The following NEK1 variants were observed in gnomAD, a reference collection of about 807,000 sequenced individuals.
NEK1 encodes NIMA related kinase 1, also known as serine/threonine-protein kinase Nek1.
NEK1 carries 137 observed loss-of-function variants against 182.1 expected under a neutral mutation model. That is an observed-to-expected ratio of 0.75 (90% CI 0.65 to 0.87). The LOEUF (loss-of-function observed/expected upper bound fraction) is 0.87. Ranked by LOEUF, NEK1 falls within the 40% of genes least tolerant of loss-of-function variation. NEK1 has a pLI of 0.00. For synonymous variants in NEK1, 513 were observed against 492.2 expected (o/e 1.04, Z -0.56); for missense variants, 1,391 against 1,494.4 (o/e 0.93, Z 1.14).
At chr4:169,590,237 G>A (rs1421541248) in intron 6 of NEK1, among the ~76,000 whole-genome samples, 3 of 152,180 alleles carry the variant, frequency 2.0e-5, no homozygotes, top group African/African-American at 4.8e-5. Flanking sequence ...GAACCTGGGA[G>A]GCGGAGGTTG....
intron 26 of NEK1, among the ~76,000 whole-genome samples, chr4:169,473,836 C>A (rs1401032720): frequency 6.6e-6 from 1 of 152,016 alleles, no homozygotes; most frequent in Non-Finnish European, 1.5e-5. Context: ...TGGGTATGGA[C>A]AATAATCCAG....
intron 30 of NEK1, among the ~76,000 whole-genome samples, 191 bp from the exon 31 acceptor site, chr4:169,424,991 G>A (rs199633424): frequency 2.0e-5 from 3 of 152,190 alleles, no homozygotes; most frequent in East Asian, 1.9e-4. Context: ...TCTATCTTCA[G>A]AGAGTTGATT....
chr4:169,396,780 T>C lies in NEK1; in HGVS notation c.3848-2257A>G, dbSNP rs1322881336. On this transcript the variant is annotated intron_variant, in intron 35 of 35. Coordinates refer to ENST00000507142, the MANE Select transcript of NEK1 (RefSeq NM_001199397.3). ...GTATCTTAATGACTTGATGTCACTT[T>C]CGGGTGAGCGAGATAAAATTTTGCT... 5.9e-5 allele frequency among the ~76,000 whole-genome samples: 9 copies of C among 152,218 alleles called. No homozygotes were observed. The East Asian group carries it at 1.7e-3, about 29-fold the overall frequency.
chr4:169,496,596 G>C (rs1392604467), intron 23 of NEK1, among the ~76,000 whole-genome samples: 2 of 149,900 alleles, frequency 1.3e-5, no homozygotes, highest in African/African-American at 5.1e-5. Context: ...ATAATTTATT[G>C]AGAGTTTTTA....
intron 23 of NEK1, among the ~76,000 whole-genome samples, chr4:169,495,536 C>G (rs1457482035): frequency 6.6e-6 from 1 of 152,098 alleles, no homozygotes; most frequent in East Asian, 1.9e-4. Flanking sequence ...GCCACCGTGC[C>G]CGGCCCATTT....
At chr4:169,456,031 G>A (rs1742817127) in intron 27 of NEK1, among the ~76,000 whole-genome samples, 1 of 152,044 alleles carries the variant, frequency 6.6e-6, no homozygotes, top group South Asian at 2.1e-4. Flanking sequence ...GACCACAATG[G>A]AAGAAAACTA....
At chr4:169,505,598 AG>A (rs1322608337) in intron 23 of NEK1, among the ~76,000 whole-genome samples, 1 of 152,244 alleles carries the variant, frequency 6.6e-6, no homozygotes, top group Non-Finnish European at 1.5e-5. Flanking sequence ...TGACTGTGCA[AG>A]GGGCCAATGC....
intron 5 of NEK1, among the ~76,000 whole-genome samples, chr4:169,591,550 T>C (rs544065519): frequency 6.6e-6 from 1 of 152,110 alleles, no homozygotes; most frequent in Non-Finnish European, 1.5e-5. Flanking sequence ...TCTCTGACTT[T>C]TTTTCTCTTC....
chr4:169,439,845 CTTT>C (rs33985502), intron 27 of NEK1, among the ~76,000 whole-genome samples: 1 of 116,378 alleles, frequency 8.6e-6, no homozygotes, highest in African/African-American at 3.4e-5. Context: ...GTTAGGGTAT[CTTT>C]TTTTTTTTTT....
intron 16 of NEK1, among the ~76,000 whole-genome samples, 161 bp from the exon 17 acceptor site, chr4:169,556,256 C>T (rs1014082117): frequency 3.3e-5 from 5 of 152,084 alleles, no homozygotes; most frequent in Non-Finnish European, 7.4e-5. Context: ...AAATGTTTTC[C>T]TATTATAACT....
rs1242853489 is a variant in NEK1, at chr4:169,400,212, G to A, written c.3847+13C>T. On this transcript the variant is annotated intron_variant, in intron 35 of 35. Coordinates refer to ENST00000507142, the MANE Select transcript of NEK1 (RefSeq NM_001199397.3). ...TTTACTGAAAATTATACAGACATGT[G>A]AGGAAATCTTACCTTCTTGGTAGGC... is the stretch of plus-strand genomic sequence containing the variant. 6.4e-7 allele frequency: 1 copy of A among 1,571,922 alleles called. No homozygotes were observed. Among genetic ancestry groups the A allele is most frequent in the Admixed American group, 1.8e-5 (1 of 54,872 alleles).
chr4:169,440,595 G>A (rs921905907), intron 27 of NEK1, among the ~76,000 whole-genome samples: 5 of 152,114 alleles, frequency 3.3e-5, no homozygotes, highest in East Asian at 3.9e-4. Flanking sequence ...GAATTCAGCC[G>A]CAAAGGGATG....
At chr4:169,600,034 C>T (rs1334973703) in intron 4 of NEK1, among the ~76,000 whole-genome samples, 1 of 151,942 alleles carries the variant, frequency 6.6e-6, no homozygotes, top group Non-Finnish European at 1.5e-5. Flanking sequence ...CTTAGAAGAA[C>T]ACTTTGATGA....
chr4:169,583,610 T>G (rs1767042638), intron 10 of NEK1, among the ~76,000 whole-genome samples: 3 of 152,216 alleles, frequency 2.0e-5, no homozygotes, highest in Non-Finnish European at 4.4e-5. Context: ...ATTCCAGTAC[T>G]TCAGCCTTGA....
At chr4:169,523,180 A>G (rs1044522303) in intron 19 of NEK1, among the ~76,000 whole-genome samples, 1 of 152,222 alleles carries the variant, frequency 6.6e-6, no homozygotes, top group South Asian at 2.1e-4. Flanking sequence ...ACTCTATAAC[A>G]TGACTAGCAC....
intron 27 of NEK1, among the ~76,000 whole-genome samples, chr4:169,451,446 A>G (rs1228662221): frequency 6.6e-6 from 1 of 152,228 alleles, no homozygotes; most frequent in Non-Finnish European, 1.5e-5. Flanking sequence ...CTCTCAGACC[A>G]CAGTGCAATC....
At chr4:169,608,622 A>G (rs1771789060) in intron 2 of NEK1, among the ~76,000 whole-genome samples, 1 of 152,230 alleles carries the variant, frequency 6.6e-6, no homozygotes, top group Non-Finnish European at 1.5e-5. Context: ...CTAACAAATA[A>G]AAAACTCGTA....
intron 27 of NEK1, among the ~76,000 whole-genome samples, chr4:169,455,287 T>C (rs1742641011): frequency 6.6e-6 from 1 of 151,594 alleles, no homozygotes; most frequent in Non-Finnish European, 1.5e-5. Context: ...GTATCAAACC[T>C]GCACGTTGTG....
rs373252814 is a variant in NEK1, at chr4:169,587,571, T to C, written c.594A>G (p.Thr198=). The C allele has an allele frequency of 2.0e-5, 31 of 1,529,198 alleles. No individual in the cohort carries two copies. In the African/African-American group the frequency reaches 3.2e-4, roughly 16 times the overall value. 94.7% of individuals were successfully genotyped at this position (1,529,198 alleles called of 1,614,324 possible). The change falls in exon 9 of 36, where the codon ACA becomes ACG. Residue 198 remains threonine, a synonymous_variant. Transcript: ENST00000507142. ...AACTTCTACTTACAGCATGTTTAAG[T>C]GTACACAGCTCATAAAGGACACACC... ...ALGCVLYELC[T]LKHAFEAGSM...
Sources: gnomAD v4.1 joint callset for allele counts (sites outside exome capture counted in the v4.1 genomes callset) on GRCh38, gnomAD v4.1.1 for gene constraint, MANE v1.5 for transcripts, NCBI Gene and HGNC (gene_info 2026-07-23, HGNC 2026-07-21) for gene names.